CCNB1IP1: variants seen among roughly 807,000 people sequenced by gnomAD.
CCNB1IP1 encodes the protein E3 ubiquitin-protein ligase CCNB1IP1.
In CCNB1IP1, 14 loss-of-function variants were observed where a neutral mutation model predicts 25.6. The observed-to-expected ratio is 0.55, with a 90% CI of 0.36 to 0.85. The LOEUF (loss-of-function observed/expected upper bound fraction) is 0.85, where lower values mean the gene tolerates loss of function less well. Ranked by LOEUF, CCNB1IP1 falls within the 40% of genes least tolerant of loss-of-function variation. The pLI is 0.01. For missense variants in CCNB1IP1, 278 were observed against 342.4 expected (o/e 0.81, Z 1.48); for synonymous variants, 119 against 116.1 (o/e 1.02, Z -0.16).
At chr14:20,323,939 A>T (rs1346217833) in intron 4 of CCNB1IP1, among the ~76,000 whole-genome samples, 1 of 148,062 alleles carries the variant, frequency 6.8e-6, no homozygotes, top group Non-Finnish European at 1.5e-5. Context: ...AAAAAAAAAA[A>T]AGTAAGAACT....
At chr14:20,325,315 G>T (rs1466665194) in intron 4 of CCNB1IP1, among the ~76,000 whole-genome samples, 1 of 151,074 alleles carries the variant, frequency 6.6e-6, no homozygotes, top group East Asian at 2.0e-4. Context: ...CAGCTACTTG[G>T]GAGGCTGAGG....
chr14:20,322,266 G>A (rs935950417), intron 4 of CCNB1IP1, among the ~76,000 whole-genome samples: 9 of 152,112 alleles, frequency 5.9e-5, no homozygotes, highest in East Asian at 5.8e-4. Context: ...TTTGGAAACC[G>A]CCCTGGTTTG....
At chr14:20,321,733 T>C (rs1882903306) in intron 4 of CCNB1IP1, among the ~76,000 whole-genome samples, 1 of 152,202 alleles carries the variant, frequency 6.6e-6, no homozygotes, top group Admixed American at 6.5e-5. Context: ...ATCATCGGCG[T>C]GATCAAGAAT....
chr14:20,313,984 C>T (rs1055895896), intron 5 of CCNB1IP1, among the ~76,000 whole-genome samples, 183 bp from the exon 6 acceptor site: 1 of 152,170 alleles, frequency 6.6e-6, no homozygotes, highest in Non-Finnish European at 1.5e-5. Context: ...AGTTATGTTA[C>T]TAAATGCATA....
At chr14:20,315,602 G>A (rs1882665321) in intron 5 of CCNB1IP1, 1 of 1,286,648 alleles carries the variant, frequency 7.8e-7, no homozygotes, top group Non-Finnish European at 1.0e-6. Context: ...CCACAGGGAG[G>A]TCTTTCAAAG....
At chr14:20,315,107 A>G (rs1013246316) in intron 5 of CCNB1IP1, among the ~76,000 whole-genome samples, 1 of 146,886 alleles carries the variant, frequency 6.8e-6, no homozygotes, top group Non-Finnish European at 1.5e-5. Context: ...AAAAAAAAAA[A>G]AAGACCAAGA....
intron 5 of CCNB1IP1, chr14:20,315,992 G>T (rs765582647): frequency 3.9e-6 from 2 of 509,460 alleles, no homozygotes; most frequent in Middle Eastern, 3.0e-4. Context: ...GTGTGTGTGT[G>T]TGTATACCCA....
chr14:20,315,486 C>A (rs1047871713), intron 5 of CCNB1IP1: 11 of 1,119,620 alleles, frequency 9.8e-6, no homozygotes, highest in Non-Finnish European at 1.1e-5. Context: ...ACAACTTACC[C>A]AGAAAAATAT....
intron 1 of CCNB1IP1, among the ~76,000 whole-genome samples, chr14:20,332,026 A>ATATATTTTT (rs59034398): frequency 1.5e-4 from 6 of 40,744 alleles, no homozygotes; most frequent in Non-Finnish European, 4.4e-5. Context: ...ATATATATAT[A>ATATATTTTT]TTTTTTTTTT....
chr14:20,320,219 TA>T, intron 4 of CCNB1IP1: 1 of 426,726 alleles, frequency 2.3e-6, no homozygotes, highest in East Asian at 7.2e-5. Context: ...TCAATAATTC[TA>T]AAGTTTTGCT....
At chr14:20,313,189 TTAC>T (rs201724020) in intron 6 of CCNB1IP1, among the ~76,000 whole-genome samples, 1,908 of 152,346 alleles carry the variant, frequency 0.013, 34 homozygotes, top group African/African-American at 0.043. Context: ...AATATTATTA[TTAC>T]TACAACTACA....
At chr14:20,318,924 C>T (rs545038297) in intron 4 of CCNB1IP1, 1 of 152,274 alleles carries the variant, frequency 6.6e-6, no homozygotes, top group African/African-American at 2.4e-5. Flanking sequence ...CACCACACCC[C>T]GCTAATTTTT....
chr14:20,323,228 A>C (rs1019145751), intron 4 of CCNB1IP1: 5 of 152,166 alleles, frequency 3.3e-5, no homozygotes, highest in African/African-American at 1.2e-4. Context: ...CAGCCAGCCC[A>C]TCCTCATGGT....
chr14:20,313,350 AC>A, intron 6 of CCNB1IP1, 117 bp downstream of exon 6: 1 of 729,526 alleles, frequency 1.4e-6, no homozygotes. Flanking sequence ...TTCAGAGCCT[AC>A]CACAACTCAA....
chr14:20,321,659 G>C (rs1008847476), intron 4 of CCNB1IP1, among the ~76,000 whole-genome samples: 9 of 152,082 alleles, frequency 5.9e-5, no homozygotes, highest in South Asian at 2.1e-4. Context: ...CACCATCTTG[G>C]CCAGGCTGGT....
chr14:20,311,720 G>T lies in CCNB1IP1; in HGVS notation c.664C>A (p.Pro222Thr), dbSNP rs147393200. ...TCTCCATCGCCCCGATTTCGAACAG[G>T]TGTATTATCCAAAGGAAACTTGGAG... is the stretch of plus-strand genomic sequence containing the variant. ...NNSKFPLDNT[P>T]VRNRGDGDGD... The change falls in exon 7 of 7, where the codon CCT becomes ACT. Residue 222 changes from proline (P) to threonine (T), a missense_variant. By Grantham distance (38) the Pro-to-Thr change is conservative (BLOSUM62 -1). Transcript: ENST00000358932. 48 of 1,613,976 alleles carry T rather than the reference G, an allele frequency of 3.0e-5. No homozygotes were observed. The African/African-American group carries it at 6.4e-4, about 22-fold the overall frequency.
chr14:20,313,385 C>T lies in CCNB1IP1; in HGVS notation c.631+83G>A, dbSNP rs143129145. 12 of 1,115,518 alleles carry T rather than the reference C, an allele frequency of 1.1e-5. No individual in the cohort carries two copies. In the African/African-American group the frequency reaches 1.4e-4, roughly 13 times the overall value. The allele number at this position is 1,115,518 out of a possible 1,614,324, so 69.1% of individuals were successfully genotyped here. On this transcript the variant is annotated intron_variant, in intron 6 of 6. Coordinates refer to ENST00000358932, the MANE Select transcript of CCNB1IP1 (RefSeq NM_021178.5). Reference sequence around the variant, plus strand: ...AATGCTTGTCTTATCCTTATCGTCTCGACTGAATGCTTGGAAGTGGGCAGA... The same window carrying T: ...AATGCTTGTCTTATCCTTATCGTCTTGACTGAATGCTTGGAAGTGGGCAGA...
intron 4 of CCNB1IP1, among the ~76,000 whole-genome samples, chr14:20,317,437 G>A (rs779914291): frequency 3.3e-5 from 5 of 151,866 alleles, no homozygotes; most frequent in Non-Finnish European, 7.4e-5. Flanking sequence ...CCTCCAGGTC[G>A]ATAGAAAAGA....
chr14:20,315,638 A>G, intron 5 of CCNB1IP1: 4 of 1,285,012 alleles, frequency 3.1e-6, no homozygotes, highest in Non-Finnish European at 4.1e-6. Context: ...GAAATCATAA[A>G]GGGAAAAAGT....
Sources: gnomAD v4.1 joint callset for allele counts (sites outside exome capture counted in the v4.1 genomes callset) on GRCh38, gnomAD v4.1.1 for gene constraint, MANE v1.5 for transcripts, NCBI Gene and HGNC (gene_info 2026-07-23, HGNC 2026-07-21) for gene names.